The following PROS1 variants were observed in gnomAD, a reference collection of about 807,000 sequenced individuals.
The protein encoded by PROS1 is protein S, also known as vitamin K-dependent protein S.
In PROS1, 29 loss-of-function variants were observed where a neutral mutation model predicts 75.9. The observed-to-expected ratio is 0.38, with a 90% CI of 0.28 to 0.52. The LOEUF (loss-of-function observed/expected upper bound fraction) is 0.52, where lower values mean the gene tolerates loss of function less well. Among genes scored for constraint, PROS1 ranks in the 20% least tolerant of loss-of-function variants. The pLI, the probability that PROS1 is intolerant of heterozygous loss-of-function variation, is 0.83. For missense variants in PROS1, 680 were observed against 810.3 expected, an observed-to-expected ratio of 0.84 and a Z score of 1.95; for synonymous variants, 245 against 280.6, an observed-to-expected ratio of 0.87 and a Z score of 1.27.
At chr3:93,925,147 G>T (rs1708998749) in intron 2 of PROS1, among the ~76,000 whole-genome samples, 1 of 152,124 alleles carries the variant, frequency 6.6e-6, no homozygotes, top group South Asian at 2.1e-4. Context: ...CTGATAGTAA[G>T]GTTCTCAGGC....
At chr3:93,971,954 C>T (rs1358818668) in intron 1 of PROS1, among the ~76,000 whole-genome samples, 1 of 152,188 alleles carries the variant, frequency 6.6e-6, no homozygotes, top group Non-Finnish European at 1.5e-5. Context: ...ATGGGGCCAA[C>T]TATTCTTTAT....
At chr3:93,945,854 A>G (rs1709385759) in intron 1 of PROS1, among the ~76,000 whole-genome samples, 1 of 152,200 alleles carries the variant, frequency 6.6e-6, no homozygotes, top group South Asian at 2.1e-4. Flanking sequence ...AAGTAGGAAA[A>G]GAGGAAGTCA....
chr3:93,900,120 T>A (rs1708568136), intron 7 of PROS1, among the ~76,000 whole-genome samples: 2 of 152,334 alleles, frequency 1.3e-5, no homozygotes, highest in South Asian at 2.1e-4. Context: ...ATAATCTGTA[T>A]ATCATAATAA....
At chr3:93,912,371 T>G (rs554386328) in intron 3 of PROS1, among the ~76,000 whole-genome samples, 1 of 152,298 alleles carries the variant, frequency 6.6e-6, no homozygotes, top group South Asian at 2.1e-4. Context: ...GGAAAGATCT[T>G]TCATCACATC....
At chr3:93,887,334 TA>T (rs1302557302) in intron 10 of PROS1, among the ~76,000 whole-genome samples, 2 of 152,188 alleles carry the variant, frequency 1.3e-5, no homozygotes, top group Admixed American at 6.5e-5. Context: ...AAAAAATACA[TA>T]AAATTAAATT....
At chr3:93,971,658 C>CACAT (rs1231028942) in intron 1 of PROS1, among the ~76,000 whole-genome samples, 1 of 151,234 alleles carries the variant, frequency 6.6e-6, no homozygotes, top group Non-Finnish European at 1.5e-5. Context: ...CACACACACA[C>CACAT]ACACACACAC....
intron 7 of PROS1, 143 bp from the exon 8 acceptor site, chr3:93,898,712 C>T: frequency 1.1e-6 from 1 of 888,968 alleles, no homozygotes; most frequent in Non-Finnish European, 1.8e-6. Context: ...CATCAAACTA[C>T]ATTTAAACAT....
In PROS1 at chr3:93,904,957, A is replaced by G. The variant is rs372905583; in HGVS notation, c.601+827T>C. ...AGTTATGACCAATGATATGATCTTA[A>G]AGGTATAAAGAGAAAGAAAACTAGA... On this transcript the variant is annotated intron_variant, in intron 6 of 14. Transcript: ENST00000394236. Among the ~76,000 whole-genome samples the G allele has an allele frequency of 2.7e-4, 41 of 152,330 alleles. 2 individuals are homozygous for G. The East Asian group carries it at 6.2e-3, about 23-fold the overall frequency.
chr3:93,927,550 T>C (rs2107203343), intron 1 of PROS1, 143 bp from the exon 2 acceptor site: 1 of 1,017,298 alleles, frequency 9.8e-7, no homozygotes, highest in Non-Finnish European at 1.4e-6. Flanking sequence ...AAGAAAAAAA[T>C]GCAGATACAG....
intron 1 of PROS1, among the ~76,000 whole-genome samples, chr3:93,965,419 G>A (rs1709773234): frequency 6.6e-6 from 1 of 152,186 alleles, no homozygotes; most frequent in Non-Finnish European, 1.5e-5. Flanking sequence ...TTCCTGCATG[G>A]CTAAGTGCCC....
intron 1 of PROS1, among the ~76,000 whole-genome samples, chr3:93,959,766 A>G (rs2107258146): frequency 6.6e-6 from 1 of 152,338 alleles, no homozygotes; most frequent in South Asian, 2.1e-4. Context: ...CAGGGACTTC[A>G]CTTTCCAAAA....
intron 1 of PROS1, among the ~76,000 whole-genome samples, chr3:93,951,913 A>T (rs1423380456): frequency 6.6e-6 from 1 of 152,184 alleles, no homozygotes; most frequent in Non-Finnish European, 1.5e-5. Context: ...GGAAACAAAA[A>T]AAAGCAGGGG....
chr3:93,931,093 CACGA>C (rs1379825540), intron 1 of PROS1, among the ~76,000 whole-genome samples: 1 of 152,124 alleles, frequency 6.6e-6, no homozygotes, highest in Non-Finnish European at 1.5e-5. Context: ...ATGTTCAAAG[CACGA>C]ATTAATTATT....
chr3:93,957,932 A>G (rs1311309514), intron 1 of PROS1, among the ~76,000 whole-genome samples: 1 of 152,028 alleles, frequency 6.6e-6, no homozygotes, highest in Non-Finnish European at 1.5e-5. Flanking sequence ...CTAAAAAAAT[A>G]CAGAACTTAG....
intron 10 of PROS1, among the ~76,000 whole-genome samples, chr3:93,887,207 C>T (rs1030019788): frequency 3.3e-5 from 5 of 152,056 alleles, no homozygotes; most frequent in East Asian, 1.9e-4. Flanking sequence ...CGTGAGCCAC[C>T]GCGCCCGGCC....
intron 3 of PROS1, among the ~76,000 whole-genome samples, chr3:93,922,695 T>C (rs542528209): frequency 3.2e-4 from 49 of 152,138 alleles, no homozygotes; most frequent in Non-Finnish European, 6.9e-4. Flanking sequence ...ACTGTTTTGT[T>C]TTGCTTTTCA....
intron 1 of PROS1, among the ~76,000 whole-genome samples, chr3:93,927,993 G>GTATATATATATATA (rs1553814546): frequency 3.9e-5 from 1 of 25,606 alleles, no homozygotes; most frequent in Non-Finnish European, 7.0e-5. Context: ...GTGTGTGTGT[G>GTATATATATATATA]TATATATATA....
chr3:93,972,139 A>G (rs1360496936), intron 1 of PROS1, among the ~76,000 whole-genome samples: 2 of 152,258 alleles, frequency 1.3e-5, no homozygotes, highest in Non-Finnish European at 2.9e-5. Context: ...GCAAATTTCT[A>G]TGATGACAAG....
chr3:93,947,711 C>T (rs1303695464), intron 1 of PROS1, among the ~76,000 whole-genome samples: 8 of 152,006 alleles, frequency 5.3e-5, no homozygotes, highest in African/African-American at 9.7e-5. Flanking sequence ...GGACTACAGG[C>T]GCCTGCCACC....
Sources: allele counts gnomAD v4.1 joint callset (sites outside exome capture counted in the v4.1 genomes callset), GRCh38; gene constraint gnomAD v4.1.1; transcripts MANE v1.5; gene names NCBI Gene and HGNC (gene_info 2026-07-23, HGNC 2026-07-21).